ACYP2: variants seen among roughly 807,000 people sequenced by gnomAD.
The protein encoded by ACYP2 is acylphosphatase-2.
In ACYP2, 12 loss-of-function variants were observed where a neutral mutation model predicts 11.2. That is an observed-to-expected ratio of 1.08 (90% confidence interval 0.69 to 1.74). The LOEUF (loss-of-function observed/expected upper bound fraction) is 1.74. Among genes scored for constraint, ACYP2 ranks in the 40% most tolerant of loss-of-function variants. ACYP2 has a pLI of 0.00. For missense variants in ACYP2, 134 were observed against 101.9 expected (o/e 1.31, Z -1.35); for synonymous variants, 43 against 32.2 (o/e 1.33, Z -1.13).
intron 6 of ACYP2, among the ~76,000 whole-genome samples, chr2:54,198,344 G>A (rs1182022993): frequency 6.6e-6 from 1 of 151,920 alleles, no homozygotes; most frequent in Non-Finnish European, 1.5e-5. Context: ...AGAACACTCT[G>A]GCTGCTGTGG....
chr2:54,172,412 TG>T (rs1299996803), intron 6 of ACYP2, among the ~76,000 whole-genome samples: 1 of 152,184 alleles, frequency 6.6e-6, no homozygotes, highest in Non-Finnish European at 1.5e-5. Context: ...GTGTTGGCCT[TG>T]GTTGAATTTC....
chr2:54,167,373 T>G (rs187657690), intron 6 of ACYP2, among the ~76,000 whole-genome samples: 2 of 152,350 alleles, frequency 1.3e-5, no homozygotes, highest in Non-Finnish European at 2.9e-5. Flanking sequence ...CTGATACATT[T>G]ATAATCATAT....
intron 4 of ACYP2, among the ~76,000 whole-genome samples, chr2:54,099,648 A>G (rs557877032): frequency 6.6e-6 from 1 of 152,304 alleles, no homozygotes; most frequent in Admixed American, 6.5e-5. Context: ...ATGTTTATAA[A>G]GCAATTTTTT....
At chr2:54,012,277 C>G (rs2104537509) in intron 2 of ACYP2, among the ~76,000 whole-genome samples, 1 of 151,870 alleles carries the variant, frequency 6.6e-6, no homozygotes, top group Non-Finnish European at 1.5e-5. Context: ...CATGGTGGCT[C>G]ACACGATCAC....
rs565313111 is a variant in ACYP2 at position 54,059,007 on chromosome 2, G to A, written c.277+1647G>A. ...GTTTGGAAAGTTTCTGGTTGGAGATGTTATTTGTGGTTTATGGTCATGCTG... is the reference window on the plus strand; with the variant it reads ...GTTTGGAAAGTTTCTGGTTGGAGATATTATTTGTGGTTTATGGTCATGCTG... On this transcript the variant is annotated intron_variant, in intron 4 of 6. Transcript: ENST00000607452. 2.0e-5 allele frequency among the ~76,000 whole-genome samples: 3 copies of A among 152,228 alleles called. No homozygotes were observed. In the South Asian group the frequency reaches 6.2e-4, roughly 32 times the overall value.
intron 4 of ACYP2, among the ~76,000 whole-genome samples, chr2:54,067,001 AC>A (rs1676785258): frequency 6.6e-6 from 1 of 152,222 alleles, no homozygotes; most frequent in African/African-American, 2.4e-5. Flanking sequence ...ATTTGTGTCA[AC>A]TTGGGCAGAT....
intron 6 of ACYP2, among the ~76,000 whole-genome samples, chr2:54,263,379 T>C (rs1053728966): frequency 6.6e-6 from 1 of 152,162 alleles, no homozygotes; most frequent in Non-Finnish European, 1.5e-5. Flanking sequence ...CCCACCAGGC[T>C]CCACCTCGAA....
intron 6 of ACYP2, among the ~76,000 whole-genome samples, chr2:54,274,777 T>C (rs2104094779): frequency 6.6e-6 from 1 of 151,968 alleles, no homozygotes; most frequent in South Asian, 2.1e-4. Flanking sequence ...GAGAGAGCCA[T>C]AGGGAATCAA....
At chr2:54,009,232 A>G (rs1484170284) in intron 2 of ACYP2, among the ~76,000 whole-genome samples, 1 of 152,108 alleles carries the variant, frequency 6.6e-6, no homozygotes, top group African/African-American at 2.4e-5. Flanking sequence ...ATTGTGGGGA[A>G]TGAAATAAGG....
At chr2:54,179,765 T>C (rs1683626182) in intron 6 of ACYP2, among the ~76,000 whole-genome samples, 1 of 152,190 alleles carries the variant, frequency 6.6e-6, no homozygotes, top group Admixed American at 6.5e-5. Context: ...GCAAGGTCTT[T>C]ATGACCTGTA....
chr2:53,983,500 T>C (rs1573443696), intron 2 of ACYP2, among the ~76,000 whole-genome samples: 1 of 152,144 alleles, frequency 6.6e-6, no homozygotes, highest in East Asian at 1.9e-4. Context: ...AGCAAGACCC[T>C]GTCTCAAAAA....
intron 6 of ACYP2, among the ~76,000 whole-genome samples, chr2:54,231,869 T>C (rs890795070): frequency 4.6e-5 from 7 of 152,218 alleles, no homozygotes; most frequent in Non-Finnish European, 2.9e-5. Context: ...TTGGAGCATA[T>C]CGGGCGCTGT....
In ACYP2 at chr2:54,138,685, A is replaced by G. The variant is rs772087694; in HGVS notation, c.341A>G (p.Lys114Arg). ...AAAATAGGAGTGGTTGGCTGGGTGA[A>G]GAATACCAGCAAAGGCACCGTGACA... is the stretch of plus-strand genomic sequence containing the variant. Residue 114 changes from lysine (K) to arginine (R), a missense_variant, in exon 6 of 7, where the codon AAG (lysine) becomes AGG (arginine). Coordinates refer to ENST00000607452, the MANE Select transcript of ACYP2 (RefSeq NM_001320586.2). 13 of 1,614,042 alleles carry G rather than the reference A, an allele frequency of 8.1e-6. No homozygotes were observed. The highest frequency in any genetic ancestry group is 1.1e-5 in the Non-Finnish European group (13 of 1,179,986).
chr2:53,990,007 T>TC (rs1192019567), intron 2 of ACYP2, among the ~76,000 whole-genome samples: 4 of 147,712 alleles, frequency 2.7e-5, no homozygotes, highest in Non-Finnish European at 4.5e-5. Flanking sequence ...TGAGATGGAG[T>TC]CTTGCTCTGT....
chr2:54,016,826 C>T (rs924271662), intron 2 of ACYP2, among the ~76,000 whole-genome samples: 2 of 151,018 alleles, frequency 1.3e-5, no homozygotes, highest in Non-Finnish European at 2.9e-5. Context: ...CCTGGGTTCA[C>T]GCCATTCTCC....
chr2:54,072,760 A>G (rs1345145799), intron 4 of ACYP2, among the ~76,000 whole-genome samples: 1 of 151,720 alleles, frequency 6.6e-6, no homozygotes, highest in Non-Finnish European at 1.5e-5. Flanking sequence ...ACAGGGTTTC[A>G]CCATGTTGGC....
At chr2:54,020,878 C>A (rs919709595) in intron 2 of ACYP2, among the ~76,000 whole-genome samples, 1 of 152,214 alleles carries the variant, frequency 6.6e-6, no homozygotes, top group East Asian at 1.9e-4. Context: ...TACCAAAGGT[C>A]ATTTGTGTTA....
chr2:54,100,495 G>T (rs1678836329), intron 4 of ACYP2, among the ~76,000 whole-genome samples: 1 of 151,128 alleles, frequency 6.6e-6, no homozygotes, highest in South Asian at 2.1e-4. Context: ...TTTTTTTAGA[G>T]ATATGGTCTC....
At chr2:53,991,511 T>C (rs994171644) in intron 2 of ACYP2, among the ~76,000 whole-genome samples, 4 of 151,962 alleles carry the variant, frequency 2.6e-5, no homozygotes, top group African/African-American at 7.3e-5. Flanking sequence ...GTTCAAGTGA[T>C]TCTCCTGCTT....
Sources: gnomAD v4.1 joint callset for allele counts (sites outside exome capture counted in the v4.1 genomes callset) on GRCh38, gnomAD v4.1.1 for gene constraint, MANE v1.5 for transcripts, NCBI Gene and HGNC (gene_info 2026-07-23, HGNC 2026-07-21) for gene names.